DEFB106A: variants seen among roughly 807,000 people sequenced by gnomAD.
DEFB106A encodes defensin beta 106A.
For synonymous variants in DEFB106A, 1 was observed against 22.5 expected (o/e 0.04, Z 2.70); for missense variants, 4 against 63.7 (o/e 0.06, Z 3.19).
In DEFB106A at chr8:7,827,838, A is replaced by G. The variant is rs1321184460; in HGVS notation, c.50-967A>G. 4.2e-5 allele frequency among the ~76,000 whole-genome samples: 6 copies of G among 141,698 alleles called. 1 individual carries two copies. The South Asian group carries it at 1.2e-3, about 29-fold the overall frequency. 93.0% of individuals were successfully genotyped at this position (141,698 alleles called of 152,430 possible). On this transcript the variant is annotated intron_variant, in intron 1 of 1. Coordinates refer to ENST00000335186, the MANE Select transcript of DEFB106A (RefSeq NM_152251.4). ...CCTTACAGTAGGGCAGAGAGAACAT[A>G]GACCCCTGCCAGTGAGAGCCAGAGT...
chr8:7,827,095 T>C (rs1355713609), intron 1 of DEFB106A, among the ~76,000 whole-genome samples: 1 of 124,244 alleles, frequency 8.0e-6, no homozygotes, highest in African/African-American at 2.7e-5. Flanking sequence ...CTCTAGTATA[T>C]AGCATAGTAT....
chr8:7,827,809 T>C (rs1817461797), intron 1 of DEFB106A, among the ~76,000 whole-genome samples: 1 of 141,678 alleles, frequency 7.1e-6, no homozygotes, highest in Non-Finnish European at 1.6e-5. Context: ...TATATTAGTA[T>C]CTGCCTTACA....
At chr8:7,827,532 AC>A (rs1422857142) in intron 1 of DEFB106A, among the ~76,000 whole-genome samples, 22 of 119,028 alleles carry the variant, frequency 1.8e-4, no homozygotes, top group Admixed American at 1.2e-3. Flanking sequence ...ATATACTAGT[AC>A]ATAGTATAGT....
chr8:7,827,184 A>G (rs1817427888), intron 1 of DEFB106A, among the ~76,000 whole-genome samples: 1 of 49,984 alleles, frequency 2.0e-5, no homozygotes, highest in African/African-American at 4.6e-5. Context: ...TAGTGTATAT[A>G]CTAGTATAAT....
intron 1 of DEFB106A, among the ~76,000 whole-genome samples, chr8:7,827,096 A>G (rs1306955343): frequency 8.0e-6 from 1 of 124,376 alleles, no homozygotes; most frequent in Admixed American, 8.9e-5. Context: ...TCTAGTATAT[A>G]GCATAGTATA....
At chr8:7,826,383 A>G (rs1450326289) in intron 1 of DEFB106A, among the ~76,000 whole-genome samples, 1 of 150,102 alleles carries the variant, frequency 6.7e-6, no homozygotes, top group East Asian at 2.0e-4. Flanking sequence ...TATAATTATA[A>G]AAGTATAATT....
chr8:7,827,309 T>G, intron 1 of DEFB106A, among the ~76,000 whole-genome samples: 1 of 119,794 alleles, frequency 8.3e-6, no homozygotes, highest in Non-Finnish European at 1.7e-5. Context: ...TATAATACAC[T>G]AGTATATAGT....
At chr8:7,827,502 A>G (rs912093711) in intron 1 of DEFB106A, among the ~76,000 whole-genome samples, 7 of 115,654 alleles carry the variant, frequency 6.1e-5, no homozygotes, top group Admixed American at 1.9e-4. Context: ...TATATATACT[A>G]TATTATTACT....
chr8:7,826,959 C>G (rs554354370), intron 1 of DEFB106A, among the ~76,000 whole-genome samples: 1 of 120,566 alleles, frequency 8.3e-6, no homozygotes, highest in Admixed American at 9.8e-5. Flanking sequence ...TGAGACACTG[C>G]ACCTGGCCAG....
chr8:7,827,061 T>C lies in DEFB106A; in HGVS notation c.50-1744T>C, dbSNP rs2680551. On this transcript the variant is annotated intron_variant, in intron 1 of 1. Transcript: ENST00000335186. ...ACTAGTATAATACTCTAGTATATAG[T>C]ATAGTATACATACTAGTATAATACT... Among the ~76,000 whole-genome samples, 954 of 112,180 alleles carry C rather than the reference T, an allele frequency of 8.5e-3. 5 individuals carry two copies. Among genetic ancestry groups the C allele is most frequent in the Middle Eastern group, 0.017 (3 of 174 alleles). The allele number at this position is 112,180 out of a possible 152,430, so 73.6% of individuals were successfully genotyped here.
At chr8:7,826,444 T>A (rs1817399431) in intron 1 of DEFB106A, among the ~76,000 whole-genome samples, 2 of 148,416 alleles carry the variant, frequency 1.3e-5, no homozygotes, top group Admixed American at 6.7e-5. Flanking sequence ...AATTACATAA[T>A]GCTTGTTATA....
chr8:7,827,764 A>T (rs1190411107), intron 1 of DEFB106A, among the ~76,000 whole-genome samples: 3 of 139,376 alleles, frequency 2.2e-5, no homozygotes, highest in African/African-American at 7.5e-5. Context: ...AAAAGATTTT[A>T]TCTGAATACC....
rs201755368 is a variant in DEFB106A at position 7,828,226 on chromosome 8, A to G, written c.50-579A>G. Among the ~76,000 whole-genome samples, 205 of 149,462 alleles carry G rather than the reference A, an allele frequency of 1.4e-3. 4 individuals carry two copies. The highest frequency in any genetic ancestry group is 0.012 in the East Asian group (61 of 5,048). ...AAAATGAACTGAGAAAATCTTAGAA[A>G]AACATTCCCAACATGCTGCACCCTC... On this transcript the variant is annotated intron_variant, in intron 1 of 1. Transcript: ENST00000335186.
chr8:7,827,684 C>A (rs1282173666), intron 1 of DEFB106A, among the ~76,000 whole-genome samples: 2 of 132,970 alleles, frequency 1.5e-5, no homozygotes, highest in Non-Finnish European at 3.3e-5. Context: ...CACTATTATA[C>A]CAGTATATAC....
At position 7,826,504 on chromosome 8, in the gene DEFB106A, T is replaced by C. The variant is rs199803149; in HGVS notation, c.49+1279T>C. 8.0e-5 allele frequency among the ~76,000 whole-genome samples: 12 copies of C among 149,268 alleles called. No homozygotes were observed. In the East Asian group the frequency reaches 2.4e-3, roughly 30 times the overall value. On this transcript the variant is annotated intron_variant, in intron 1 of 1. Transcript: ENST00000335186. ...ACCTATTAGATATACTAGAGTATAA[T>C]ACTATAATACAATAGTATTAGAGAA...
At chr8:7,827,440 AG>A (rs1388428139) in intron 1 of DEFB106A, among the ~76,000 whole-genome samples, 2 of 115,766 alleles carry the variant, frequency 1.7e-5, no homozygotes, top group Non-Finnish European at 3.5e-5. Context: ...TATATATACT[AG>A]TATAATACTC....
chr8:7,826,561 T>C lies in DEFB106A; in HGVS notation c.49+1336T>C, dbSNP rs1380996076. Among the ~76,000 whole-genome samples the C allele has an allele frequency of 3.2e-4, 48 of 148,924 alleles. 1 individual carries two copies. The highest frequency in any genetic ancestry group is 1.1e-3 in the African/African-American group (43 of 40,806). On this transcript the variant is annotated intron_variant, in intron 1 of 1. Transcript: ENST00000335186. Reference sequence around the variant, plus strand: ...TTTGGTTTAGTATAGTATTATAGTATAGCATAGTATATACTATAATTATTT... The same window carrying C: ...TTTGGTTTAGTATAGTATTATAGTACAGCATAGTATATACTATAATTATTT...
At chr8:7,827,661 A>G (rs1174879935) in intron 1 of DEFB106A, among the ~76,000 whole-genome samples, 2 of 131,952 alleles carry the variant, frequency 1.5e-5, no homozygotes, top group African/African-American at 5.2e-5. Flanking sequence ...TACTAGTATA[A>G]TACTATAGTA....
At chr8:7,826,389 T>C (rs1196672609) in intron 1 of DEFB106A, among the ~76,000 whole-genome samples, 1 of 149,782 alleles carries the variant, frequency 6.7e-6, no homozygotes, top group Non-Finnish European at 1.5e-5. Flanking sequence ...TATAAAAGTA[T>C]AATTAGTTAC....
Sources: gnomAD v4.1 joint callset for allele counts (sites outside exome capture counted in the v4.1 genomes callset) on GRCh38, gnomAD v4.1.1 for gene constraint, MANE v1.5 for transcripts, NCBI Gene and HGNC (gene_info 2026-07-23, HGNC 2026-07-21) for gene names.